SDHAF3: variants seen among roughly 807,000 people sequenced by gnomAD.
The protein encoded by SDHAF3 is succinate dehydrogenase complex assembly factor 3.
Under a neutral mutation model 11.5 loss-of-function variants are expected in SDHAF3, and 18 were observed. The ratio of observed to expected loss-of-function variants is 1.56; its 90% CI spans 1.08 to 2.32. The LOEUF is 2.32. SDHAF3 is among the 30% of genes most tolerant of loss of function. The probability of loss-of-function intolerance (pLI) is 0.00; values close to 1 mark genes in which losing one functional copy is unlikely to be tolerated. For synonymous variants in SDHAF3, 72 were observed against 59.3 expected (o/e 1.21, Z -0.99); for missense variants, 200 against 154.4 (o/e 1.30, Z -1.57).
intron 1 of SDHAF3, among the ~76,000 whole-genome samples, chr7:97,139,407 CA>C (rs149268321): frequency 0.18 from 26,562 of 151,680 alleles, 2,470 homozygotes; most frequent in East Asian, 0.29. Context: ...TGTGAGTATG[CA>C]AAAAAGGCTA....
chr7:97,125,425 C>T (rs1055658130), intron 1 of SDHAF3, among the ~76,000 whole-genome samples: 9 of 152,132 alleles, frequency 5.9e-5, no homozygotes, highest in African/African-American at 2.2e-4. Flanking sequence ...GGTACATTGT[C>T]TCTTTGTTCT....
intron 1 of SDHAF3, among the ~76,000 whole-genome samples, chr7:97,163,398 C>A (rs1789446013): frequency 6.6e-6 from 1 of 152,138 alleles, no homozygotes; most frequent in Admixed American, 6.5e-5. Flanking sequence ...CCTTGGCCTC[C>A]CAAAGTGCTA....
intron 1 of SDHAF3, among the ~76,000 whole-genome samples, chr7:97,131,725 A>C (rs1476678677): frequency 6.6e-6 from 1 of 152,192 alleles, no homozygotes; most frequent in African/African-American, 2.4e-5. Context: ...TATGAAAAGA[A>C]CTTATTTAGC....
intron 1 of SDHAF3, among the ~76,000 whole-genome samples, chr7:97,144,008 A>T (rs1789098044): frequency 6.6e-6 from 1 of 151,360 alleles, no homozygotes; most frequent in Non-Finnish European, 1.5e-5. Flanking sequence ...TTATTTTTTT[A>T]TTTTTTTTAT....
At chr7:97,133,427 G>C (rs1453254596) in intron 1 of SDHAF3, among the ~76,000 whole-genome samples, 1 of 152,152 alleles carries the variant, frequency 6.6e-6, no homozygotes, top group Non-Finnish European at 1.5e-5. Context: ...GTAGGCGTGA[G>C]AGCTTTTTTC....
rs1367051318 is a variant in SDHAF3 at position 97,117,753 on chromosome 7, G to A, written c.30G>A (p.Arg10=). ...CGGGGCGGCACGTTTCTCGAGTCCG[G>A]GCATTGTACAAGCGCGTCTTGCAGC... MPGRHVSRV[R]ALYKRVLQLH... is the part of the protein sequence containing the mutation. The change falls in exon 1 of 2, where the codon CGG becomes CGA. Residue 10 remains arginine, a synonymous_variant. Transcript: ENST00000432641. 1 of 1,614,002 alleles carries A rather than the reference G, an allele frequency of 6.2e-7. No individual in the cohort carries two copies. The highest frequency in any genetic ancestry group is 8.5e-7 in the Non-Finnish European group (1 of 1,179,938).
At position 97,135,082 on chromosome 7, in the gene SDHAF3, CA is replaced by C. The variant is rs113919964; in HGVS notation, c.174+17187del. The stretch of plus-strand genomic sequence containing the variant: ...TACTCCTCTTTTTTTTTTTTCCCCC[CA>C]AGGAACTTTAGCTTTCTCCTTTGCA... On this transcript the variant is annotated intron_variant, in intron 1 of 1. Transcript: ENST00000432641. 3.6e-3 allele frequency: 450 copies of C among 124,050 alleles called. 6 individuals carry two copies. The highest frequency in any genetic ancestry group is 9.8e-3 in the African/African-American group (335 of 34,104). The allele number at this position is 124,050 out of a possible 1,614,324, so 7.7% of individuals were successfully genotyped here.
At chr7:97,178,200 T>A (rs1326813123) in intron 1 of SDHAF3, among the ~76,000 whole-genome samples, 3 of 152,224 alleles carry the variant, frequency 2.0e-5, no homozygotes, top group Non-Finnish European at 4.4e-5. Context: ...TTTTTAAGGT[T>A]TATCCATGTT....
intron 1 of SDHAF3, among the ~76,000 whole-genome samples, chr7:97,167,590 A>C (rs1037238920): frequency 1.6e-4 from 24 of 152,200 alleles, no homozygotes; most frequent in African/African-American, 5.5e-4. Context: ...ACAGGAGATT[A>C]GTTTATTATT....
chr7:97,140,546 C>T (rs568734432), intron 1 of SDHAF3, among the ~76,000 whole-genome samples: 2 of 152,162 alleles, frequency 1.3e-5, no homozygotes, highest in East Asian at 1.9e-4. Context: ...ATCAGAAGAA[C>T]ATAAATCGTG....
chr7:97,147,222 G>A (rs1470297271), intron 1 of SDHAF3, among the ~76,000 whole-genome samples: 1 of 152,074 alleles, frequency 6.6e-6, no homozygotes, highest in Admixed American at 6.6e-5. Context: ...ATAAGTATAC[G>A]CAGTTATAAC....
chr7:97,152,902 G>A (rs1047085995), intron 1 of SDHAF3, among the ~76,000 whole-genome samples: 4 of 152,110 alleles, frequency 2.6e-5, no homozygotes, highest in South Asian at 2.1e-4. Context: ...ATGGTCTCCC[G>A]CCATGCCCGC....
chr7:97,121,343 AAG>A (rs1186837515), intron 1 of SDHAF3, among the ~76,000 whole-genome samples: 1 of 152,240 alleles, frequency 6.6e-6, no homozygotes, highest in Non-Finnish European at 1.5e-5. Context: ...ATATGAGACA[AAG>A]AGCACAGAAG....
At chr7:97,146,788 CTTTTT>C (rs752676493) in intron 1 of SDHAF3, among the ~76,000 whole-genome samples, 1 of 139,510 alleles carries the variant, frequency 7.2e-6, no homozygotes. Flanking sequence ...TAATAGGTAC[CTTTTT>C]TTTTTTTTTT....
At chr7:97,130,450 C>T (rs1338408929) in intron 1 of SDHAF3, among the ~76,000 whole-genome samples, 1 of 152,184 alleles carries the variant, frequency 6.6e-6, no homozygotes, top group Non-Finnish European at 1.5e-5. Context: ...TCTGGTCCCC[C>T]AGAAGGGTCC....
At position 97,181,045 on chromosome 7, in the gene SDHAF3, G is replaced by A. The variant is rs755073792; in HGVS notation, c.208G>A (p.Glu70Lys). 23 of 1,613,696 alleles carry A rather than the reference G, an allele frequency of 1.4e-5. No individual in the cohort carries two copies. Among genetic ancestry groups the A allele is most frequent in the South Asian group, 4.4e-5 (4 of 91,056 alleles). ...AACAGCGTTATTGCAACAGGCTAAC[G>A]AAAACAGACAAAATTCAACTGGAAA... Reference protein sequence around the residue: ...YATALLQQANENRQNSTGKAC... With the variant: ...YATALLQQANKNRQNSTGKAC... Residue 70 changes from glutamate (E) to lysine (K), a missense_variant, in exon 2 of 2, where the codon GAA becomes AAA. By Grantham distance (56) the Glu-to-Lys change is moderately conservative (BLOSUM62 1). Transcript: ENST00000432641.
chr7:97,158,072 C>T (rs1789330847), intron 1 of SDHAF3, among the ~76,000 whole-genome samples: 1 of 151,726 alleles, frequency 6.6e-6, no homozygotes, highest in Non-Finnish European at 1.5e-5. Context: ...ACCAACATGG[C>T]ACATGTATAC....
At chr7:97,171,124 G>A (rs1789596751) in intron 1 of SDHAF3, among the ~76,000 whole-genome samples, 2 of 152,050 alleles carry the variant, frequency 1.3e-5, no homozygotes, top group African/African-American at 4.8e-5. Flanking sequence ...CTTGTGGAGA[G>A]GAGTGTTTTT....
intron 1 of SDHAF3, among the ~76,000 whole-genome samples, chr7:97,177,497 G>T (rs1030412722): frequency 1.3e-5 from 2 of 151,384 alleles, no homozygotes; most frequent in African/African-American, 4.9e-5. Context: ...GCGAGACTCC[G>T]TCTCAAAAAA....
Sources: allele counts gnomAD v4.1 joint callset (sites outside exome capture counted in the v4.1 genomes callset), GRCh38; gene constraint gnomAD v4.1.1; transcripts MANE v1.5; gene names NCBI Gene and HGNC (gene_info 2026-07-23, HGNC 2026-07-21).